MYO5A: variants seen among roughly 807,000 people sequenced by gnomAD.
MYO5A encodes unconventional myosin-Va.
MYO5A carries 98 observed loss-of-function variants against 249.7 expected under a neutral mutation model. That is an observed-to-expected ratio of 0.39 (90% CI 0.33 to 0.46). The LOEUF (loss-of-function observed/expected upper bound fraction) is 0.46. Among genes scored for constraint, MYO5A ranks in the 20% least tolerant of loss-of-function variants. MYO5A has a pLI of 0.98. For synonymous variants in MYO5A, 778 were observed against 810.6 expected, an observed-to-expected ratio of 0.96 and a Z score of 0.68; for missense variants, 1,696 against 2,308.8, an observed-to-expected ratio of 0.73 and a Z score of 5.44.
At chr15:52,495,789 A>G (rs2077026035) in intron 1 of MYO5A, among the ~76,000 whole-genome samples, 1 of 152,180 alleles carries the variant, frequency 6.6e-6, no homozygotes, top group Admixed American at 6.5e-5. Context: ...TTGAGAGAGA[A>G]TCCCTTGTTT....
intron 1 of MYO5A, among the ~76,000 whole-genome samples, chr15:52,458,846 TC>T (rs1258376980): frequency 6.6e-6 from 1 of 152,106 alleles, no homozygotes; most frequent in Non-Finnish European, 1.5e-5. Context: ...TTTTCAACTG[TC>T]AAATTTTAAA....
chr15:52,352,998 A>G (rs1488165261), intron 27 of MYO5A, among the ~76,000 whole-genome samples: 1 of 152,162 alleles, frequency 6.6e-6, no homozygotes, highest in East Asian at 1.9e-4. Flanking sequence ...TGTGTAAACT[A>G]CAAATGTTTC....
intron 9 of MYO5A, 143 bp from the exon 10 acceptor site, chr15:52,397,609 G>T: frequency 4.1e-6 from 4 of 983,006 alleles, no homozygotes; most frequent in Non-Finnish European, 6.2e-6. Flanking sequence ...GTTGATTAGT[G>T]ATAATAATCA....
chr15:52,329,039 GTTTAT>G (rs2038744356), intron 35 of MYO5A: 2 of 151,948 alleles, frequency 1.3e-5, no homozygotes, highest in African/African-American at 4.8e-5. Context: ...TCATATATTT[GTTTAT>G]TTTATTTTCT....
intron 15 of MYO5A, among the ~76,000 whole-genome samples, chr15:52,383,420 T>C (rs371366347): frequency 6.6e-6 from 1 of 152,220 alleles, no homozygotes; most frequent in Admixed American, 6.5e-5. Flanking sequence ...TAGATTCCTA[T>C]ACTCCCACTC....
At position 52,521,819 on chromosome 15, in the gene MYO5A, A is replaced by T. The variant is rs144303806; in HGVS notation, c.27+6961T>A. The stretch of plus-strand genomic sequence containing the variant: ...CCAGGGATAAGTTTCTGCAAAGTTT[A>T]GGTTGTATCAGCACAAACTCAGACT... On this transcript the variant is annotated intron_variant, in intron 1 of 41. Coordinates refer to ENST00000399233, the MANE Select transcript of MYO5A (RefSeq NM_001382347.1). Among the ~76,000 whole-genome samples the T allele has an allele frequency of 4.5e-4, 68 of 152,346 alleles. 1 individual carries two copies. The East Asian group carries it at 7.1e-3, about 16-fold the overall frequency.
chr15:52,426,951 G>T (rs2075409042), intron 3 of MYO5A, among the ~76,000 whole-genome samples: 1 of 151,994 alleles, frequency 6.6e-6, no homozygotes, highest in African/African-American at 2.4e-5. Context: ...AGGGTGGCCA[G>T]ACAAGACTTC....
chr15:52,397,491 C>G, intron 9 of MYO5A, 25 bp from the exon 10 acceptor site: 2 of 1,611,176 alleles, frequency 1.2e-6, no homozygotes, highest in Non-Finnish European at 8.5e-7. Flanking sequence ...TGAGTTATTT[C>G]CTATGACCAG....
At chr15:52,318,000 G>A (rs1032938788) in intron 39 of MYO5A, among the ~76,000 whole-genome samples, 1 of 152,184 alleles carries the variant, frequency 6.6e-6, no homozygotes, top group Non-Finnish European at 1.5e-5. Context: ...CACTATCTGA[G>A]AGGAAGGCAT....
chr15:52,323,054 G>A (rs528255016), intron 37 of MYO5A, among the ~76,000 whole-genome samples: 1 of 152,198 alleles, frequency 6.6e-6, no homozygotes, highest in South Asian at 2.1e-4. Flanking sequence ...TCACTATTCT[G>A]ATATTAGCTC....
chr15:52,344,879 G>A (rs2141001486), intron 30 of MYO5A, among the ~76,000 whole-genome samples: 1 of 152,288 alleles, frequency 6.6e-6, no homozygotes, highest in African/African-American at 2.4e-5. Flanking sequence ...TAGGCACACT[G>A]GTGATAGAAT....
intron 1 of MYO5A, among the ~76,000 whole-genome samples, chr15:52,504,684 G>C (rs369789765): frequency 6.6e-6 from 1 of 152,028 alleles, no homozygotes; most frequent in African/African-American, 2.4e-5. Flanking sequence ...GGTGGATCGC[G>C]AGGTCAGGAG....
Position 52,353,629 on chromosome 15 carries a change from T to C in MYO5A, c.3597A>G (p.Ala1199=). Residue 1199 remains alanine, a synonymous_variant, in exon 27 of 42, where the codon GCA becomes GCG. Transcript: ENST00000399233. ...CCTTGAGTGACTCATATTCCAGTTCTGCACCTCTAATTTGTGGTCTTTCTT... is the reference window on the plus strand; with the variant it reads ...CCTTGAGTGACTCATATTCCAGTTCCGCACCTCTAATTTGTGGTCTTTCTT... ...KEEERPQIRG[A]ELEYESLKRQ... is the part of the protein sequence containing the mutation. 1.2e-6 allele frequency: 2 copies of C among 1,614,074 alleles called. No individual in the cohort carries two copies. The highest frequency in any genetic ancestry group is 1.7e-6 in the Non-Finnish European group (2 of 1,179,864).
chr15:52,329,975 G>GC (rs1555427753), intron 35 of MYO5A, among the ~76,000 whole-genome samples: 3 of 134,260 alleles, frequency 2.2e-5, no homozygotes, highest in African/African-American at 9.4e-5. Flanking sequence ...GGCCTTGAGG[G>GC]TTTTTTCTTT....
At chr15:52,528,928 G>T (rs28716632), upstream of MYO5A, 1 of 840,212 alleles carries the variant, frequency 1.2e-6, no homozygotes, top group African/African-American at 1.8e-5. Flanking sequence ...GGCAGGGCCG[G>T]GCGGGGAGGG....
intron 1 of MYO5A, chr15:52,505,084 T>C: frequency 1.7e-6 from 1 of 580,896 alleles, no homozygotes; most frequent in Non-Finnish European, 3.1e-6. Context: ...GCCCATTTTA[T>C]TAATTTATTT....
At chr15:52,328,920 A>G (rs1172745257) in intron 35 of MYO5A, among the ~76,000 whole-genome samples, 2 of 152,202 alleles carry the variant, frequency 1.3e-5, no homozygotes, top group Admixed American at 1.3e-4. Flanking sequence ...ATGACTTGTT[A>G]GCTTACTTCC....
intron 25 of MYO5A, among the ~76,000 whole-genome samples, chr15:52,355,899 T>C (rs1482148600): frequency 6.6e-6 from 1 of 152,156 alleles, no homozygotes; most frequent in Non-Finnish European, 1.5e-5. Flanking sequence ...AAGGATAACC[T>C]AATAACATTT....
At chr15:52,381,995 C>G (rs190821556) in intron 16 of MYO5A, among the ~76,000 whole-genome samples, 1 of 152,250 alleles carries the variant, frequency 6.6e-6, no homozygotes, top group African/African-American at 2.4e-5. Context: ...TGCAGCCTCC[C>G]AGGTTCAAGT....
Sources: allele counts gnomAD v4.1 joint callset (sites outside exome capture counted in the v4.1 genomes callset), GRCh38; gene constraint gnomAD v4.1.1; transcripts MANE v1.5; gene names NCBI Gene and HGNC (gene_info 2026-07-23, HGNC 2026-07-21).